Variants in NHSL2 observed in about 807,000 individuals in gnomAD.
NHSL2 encodes the protein NHS-like protein 2.
NHSL2 carries 27 observed loss-of-function variants against 53.4 expected under a neutral mutation model. That is an observed-to-expected ratio of 0.51 (90% CI 0.37 to 0.70). The LOEUF is 0.70. Ranked by LOEUF, NHSL2 falls within the 30% of genes least tolerant of loss-of-function variation. The pLI is 0.00. For synonymous variants in NHSL2, 408 were observed against 404.1 expected, an observed-to-expected ratio of 1.01 and a Z score of -0.12; for missense variants, 892 against 980.1, an observed-to-expected ratio of 0.91 and a Z score of 1.20.
chrX:72,060,285 C>T lies in NHSL2; in HGVS notation c.281-71794C>T, dbSNP rs773177705. ...AAAGAATCCAGCATGGTGTTAGGTACATAGAGGGGCTCTGTCAACATCAAT... is the reference window on the plus strand; with the variant it reads ...AAAGAATCCAGCATGGTGTTAGGTATATAGAGGGGCTCTGTCAACATCAAT... On this transcript the variant is annotated intron_variant, in intron 1 of 7. Transcript: ENST00000633930. Among the ~76,000 whole-genome samples the T allele has an allele frequency of 2.7e-5, 3 of 111,918 alleles. No individual in the cohort carries two copies. In the South Asian group the frequency reaches 1.1e-3, roughly 42 times the overall value.
intron 1 of NHSL2, among the ~76,000 whole-genome samples, chrX:71,943,612 A>T (rs910486275): frequency 4.5e-5 from 5 of 111,790 alleles, no homozygotes; most frequent in African/African-American, 1.6e-4. Flanking sequence ...TTACTTACTT[A>T]TTTTCCGTAT....
At chrX:71,961,869 A>G (rs984634740) in intron 1 of NHSL2, among the ~76,000 whole-genome samples, 2 of 111,782 alleles carry the variant, frequency 1.8e-5, no homozygotes, top group Middle Eastern at 9.3e-3. Context: ...AGATTTTGCC[A>G]TGGTGGCCAG....
intron 1 of NHSL2, among the ~76,000 whole-genome samples, chrX:71,981,074 G>A (rs190784836): frequency 5.8e-4 from 65 of 112,437 alleles, no homozygotes; most frequent in Non-Finnish European, 9.8e-4. Flanking sequence ...ACCGTTAGAA[G>A]ACAGTGTAGT....
intron 1 of NHSL2, among the ~76,000 whole-genome samples, chrX:72,050,229 A>G (rs2042332102): frequency 9.0e-6 from 1 of 111,216 alleles, no homozygotes; most frequent in Non-Finnish European, 1.9e-5. Context: ...ACTTTCGTGT[A>G]CTATTTATTG....
At chrX:71,964,023 A>ATGTATATATATG (rs2041886548) in intron 1 of NHSL2, among the ~76,000 whole-genome samples, 1 of 26,722 alleles carries the variant, frequency 3.7e-5, no homozygotes, top group African/African-American at 1.3e-4. Flanking sequence ...ATATATATAT[A>ATGTATATATATG]TGTGTATATA....
In NHSL2 at chrX:72,150,072, T is replaced by C. The variant is rs890529565; in HGVS notation, c.*6498T>C. 2.7e-5 allele frequency: 3 copies of C among 112,809 alleles called. No homozygotes were observed. Among genetic ancestry groups the C allele is most frequent in the African/African-American group, 6.4e-5 (2 of 31,044 alleles). The allele number at this position is 112,809 out of a possible 1,213,427, so 9.3% of individuals were successfully genotyped here. ...TCCCAGGTATTTCAATGAACTAATATATATGCTTTAAGGGAAAATGTTCAA... is the reference window on the plus strand; with the variant it reads ...TCCCAGGTATTTCAATGAACTAATACATATGCTTTAAGGGAAAATGTTCAA... On this transcript the variant is annotated 3_prime_UTR_variant, in exon 8 of 8. Coordinates refer to ENST00000633930, the MANE Select transcript of NHSL2 (RefSeq NM_001013627.3).
chrX:72,091,034 C>A (rs1310029106), intron 1 of NHSL2, among the ~76,000 whole-genome samples: 2 of 111,755 alleles, frequency 1.8e-5, no homozygotes, highest in Non-Finnish European at 1.9e-5. Flanking sequence ...GGAGTTGTTG[C>A]CAGTATTTTG....
intron 1 of NHSL2, among the ~76,000 whole-genome samples, chrX:72,110,418 A>T (rs1319091216): frequency 9.0e-6 from 1 of 111,267 alleles, no homozygotes; most frequent in East Asian, 2.8e-4. Context: ...GCACAGTACC[A>T]GCCACCTAGT....
At chrX:71,981,574 A>G (rs2041979366) in intron 1 of NHSL2, among the ~76,000 whole-genome samples, 1 of 109,542 alleles carries the variant, frequency 9.1e-6, no homozygotes, top group Admixed American at 9.8e-5. Flanking sequence ...CAAATCATAT[A>G]TCTAGTAAAG....
At position 72,139,601 on chromosome X, in the gene NHSL2, A is replaced by G; in HGVS notation, c.2053A>G (p.Thr685Ala). 2 of 1,210,862 alleles carry G rather than the reference A, an allele frequency of 1.7e-6. No individual in the cohort carries two copies. Among genetic ancestry groups the G allele is most frequent in the Non-Finnish European group, 2.2e-6 (2 of 894,822 alleles). The change falls in exon 6 of 8, where the codon ACT (threonine) becomes GCT (alanine). Residue 685 changes from threonine to alanine, a missense_variant. By Grantham distance (58) the Thr-to-Ala change is moderately conservative. Coordinates refer to ENST00000633930, the MANE Select transcript of NHSL2 (RefSeq NM_001013627.3). ...SLASPSTSRA[T>A]TPSQLSIEVE... ...TGCCTCACCTTCCACCTCCAGAGCC[A>G]CTACACCTTCCCAACTCTCCATTGA...
chrX:71,916,496 G>T (rs1185365737), intron 1 of NHSL2, among the ~76,000 whole-genome samples: 1 of 111,389 alleles, frequency 9.0e-6, no homozygotes, highest in Non-Finnish European at 1.9e-5. Flanking sequence ...CCTTTGTGCT[G>T]GGTGCTAAAG....
At chrX:71,943,236 G>T (rs976724393) in intron 1 of NHSL2, among the ~76,000 whole-genome samples, 3 of 111,546 alleles carry the variant, frequency 2.7e-5, no homozygotes, top group Admixed American at 9.5e-5. Context: ...ACAGGCGCAC[G>T]CCACCATGCC....
intron 1 of NHSL2, among the ~76,000 whole-genome samples, chrX:71,960,033 A>G (rs748431012): frequency 8.9e-6 from 1 of 112,149 alleles, no homozygotes; most frequent in African/African-American, 3.2e-5. Flanking sequence ...TTGTTCTGCA[A>G]TGTTGTCTTG....
At chrX:72,086,753 G>C (rs1312909349) in intron 1 of NHSL2, among the ~76,000 whole-genome samples, 4 of 108,635 alleles carry the variant, frequency 3.7e-5, no homozygotes, top group African/African-American at 1.3e-4. Flanking sequence ...TTTTCAAAGG[G>C]GTAAAAACAT....
intron 1 of NHSL2, among the ~76,000 whole-genome samples, chrX:72,041,255 G>A (rs2042272592): frequency 9.0e-6 from 1 of 111,385 alleles, no homozygotes; most frequent in Non-Finnish European, 1.9e-5. Flanking sequence ...ACATAAGTGA[G>A]TGAAGCAGGT....
chrX:71,992,110 TG>T lies in NHSL2; in HGVS notation c.280+80746del, dbSNP rs767575456. ...GAGTCCCACACATTTGGGCAGCATC[TG>T]GGTGAAAGGTACTGGGAGGTGGGCA... On this transcript the variant is annotated intron_variant, in intron 1 of 7. Transcript: ENST00000633930. 3.1e-3 allele frequency among the ~76,000 whole-genome samples: 350 copies of T among 112,605 alleles called. 2 individuals are homozygous for T. Among genetic ancestry groups the T allele is most frequent in the Non-Finnish European group, 5.4e-3 (287 of 53,279 alleles).
intron 1 of NHSL2, among the ~76,000 whole-genome samples, chrX:71,956,136 G>C (rs2041842246): frequency 9.0e-6 from 1 of 111,295 alleles, no homozygotes; most frequent in African/African-American, 3.3e-5. Context: ...CAACATTTGG[G>C]TTCTCCCCAC....
intron 1 of NHSL2, chrX:72,129,447 A>C: frequency 6.3e-6 from 1 of 158,234 alleles, no homozygotes; most frequent in Non-Finnish European, 1.2e-5. Context: ...CAGTCAGAGA[A>C]TAAAACTGTA....
chrX:72,022,968 T>G (rs1350629059), intron 1 of NHSL2, among the ~76,000 whole-genome samples: 1 of 112,322 alleles, frequency 8.9e-6, no homozygotes, highest in Non-Finnish European at 1.9e-5. Context: ...CCATTCACTA[T>G]TTCTACTACT....
Sources: allele counts gnomAD v4.1 joint callset (sites outside exome capture counted in the v4.1 genomes callset), GRCh38; gene constraint gnomAD v4.1.1; transcripts MANE v1.5; gene names NCBI Gene and HGNC (gene_info 2026-07-23, HGNC 2026-07-21).